The following EBF2 variants were observed in gnomAD, a reference collection of about 807,000 sequenced individuals.
EBF2 encodes transcription factor COE2.
EBF2 carries 21 observed loss-of-function variants against 72.8 expected under a neutral mutation model. The observed-to-expected ratio is 0.29, with a 90% CI of 0.20 to 0.42. The LOEUF is 0.42. Ranked by LOEUF, EBF2 falls within the 10% of genes least tolerant of loss-of-function variation. The pLI is 1.00. For missense variants in EBF2, 637 were observed against 731.2 expected (o/e 0.87, Z 1.49); for synonymous variants, 299 against 274.2 (o/e 1.09, Z -0.89).
intron 5 of EBF2, among the ~76,000 whole-genome samples, chr8:26,034,339 G>T (rs1805461100): frequency 6.6e-6 from 1 of 152,178 alleles, no homozygotes; most frequent in Non-Finnish European, 1.5e-5. Context: ...CTGTTTGTAA[G>T]TCCCAGCTCT....
chr8:25,899,399 C>T (rs1368882350), intron 7 of EBF2, among the ~76,000 whole-genome samples: 1 of 152,090 alleles, frequency 6.6e-6, no homozygotes, highest in East Asian at 1.9e-4. Flanking sequence ...CAGTAGCACT[C>T]CGGATTTCAA....
At chr8:26,014,098 AC>A (rs1444439576) in intron 6 of EBF2, among the ~76,000 whole-genome samples, 7 of 152,200 alleles carry the variant, frequency 4.6e-5, no homozygotes, top group Non-Finnish European at 8.8e-5. Context: ...AATAACCTAT[AC>A]CTACATGAGA....
intron 15 of EBF2, among the ~76,000 whole-genome samples, chr8:25,850,156 A>G (rs995093040): frequency 6.6e-6 from 1 of 152,202 alleles, no homozygotes; most frequent in Admixed American, 6.5e-5. Flanking sequence ...CTTGTTGCCC[A>G]GGCTGGAGTG....
chr8:25,964,337 T>C (rs1804081311), intron 6 of EBF2, among the ~76,000 whole-genome samples: 1 of 152,082 alleles, frequency 6.6e-6, no homozygotes, highest in Non-Finnish European at 1.5e-5. Flanking sequence ...AATCAATTAA[T>C]CCAAGTATAC....
At chr8:25,985,780 G>GC (rs1166990995) in intron 6 of EBF2, among the ~76,000 whole-genome samples, 9 of 151,880 alleles carry the variant, frequency 5.9e-5, no homozygotes, top group Admixed American at 2.0e-4. Flanking sequence ...CAGGCCGACC[G>GC]CTTGAGCCCA....
intron 10 of EBF2, among the ~76,000 whole-genome samples, chr8:25,878,044 A>G (rs1191332429): frequency 6.6e-6 from 1 of 152,184 alleles, no homozygotes; most frequent in Non-Finnish European, 1.5e-5. Flanking sequence ...GATGATGGAA[A>G]TGAGGCTCAG....
Position 25,844,599 on chromosome 8 carries a change from C to T in EBF2, c.*10G>A, listed in dbSNP as rs747971268. On this transcript the variant is annotated 3_prime_UTR_variant, in exon 16 of 16. Coordinates refer to ENST00000520164, the MANE Select transcript of EBF2 (RefSeq NM_022659.4). Reference sequence around the variant, plus strand: ...TAAGTAGTTTTGTGCTATAAGAAAGCAGTTCTTCTTTACATCGGGGGTACA... The same window carrying T: ...TAAGTAGTTTTGTGCTATAAGAAAGTAGTTCTTCTTTACATCGGGGGTACA... 4 of 1,613,806 alleles carry T rather than the reference C, an allele frequency of 2.5e-6. No homozygotes were observed. Among genetic ancestry groups the T allele is most frequent in the East Asian group, 4.5e-5 (2 of 44,888 alleles).
intron 7 of EBF2, among the ~76,000 whole-genome samples, chr8:25,903,260 C>T (rs1365090823): frequency 6.6e-6 from 1 of 150,648 alleles, no homozygotes; most frequent in African/African-American, 2.5e-5. Flanking sequence ...TCTCAAACTC[C>T]TGGGCTCAAG....
chr8:25,862,640 C>A (rs1021370298), intron 11 of EBF2, 69 bp downstream of exon 11: 46 of 1,309,724 alleles, frequency 3.5e-5, no homozygotes, highest in Middle Eastern at 1.9e-4. Context: ...ATGTAAATGC[C>A]TGCATTTGTC....
At chr8:25,993,153 G>A (rs139064419) in intron 6 of EBF2, among the ~76,000 whole-genome samples, 2 of 152,302 alleles carry the variant, frequency 1.3e-5, no homozygotes, top group African/African-American at 2.4e-5. Flanking sequence ...CTTCCACTAA[G>A]TGGTGGCCTC....
chr8:25,931,021 A>G lies in EBF2; in HGVS notation c.552-22466T>C, dbSNP rs553264495. ...GTTGAACAGAGTTGAAGCGAATGAA[A>G]CTTCAAACTAAATTTTTATTGAAAT... On this transcript the variant is annotated intron_variant, in intron 6 of 15. Transcript: ENST00000520164. Among the ~76,000 whole-genome samples, 8 of 152,260 alleles carry G rather than the reference A, an allele frequency of 5.3e-5. No individual in the cohort carries two copies. In the South Asian group the frequency reaches 6.2e-4, roughly 12 times the overall value.
intron 6 of EBF2, among the ~76,000 whole-genome samples, chr8:25,915,685 G>T (rs917501588): frequency 2.0e-5 from 3 of 151,918 alleles, no homozygotes; most frequent in Non-Finnish European, 2.9e-5. Context: ...CGATGGGAGG[G>T]AAAAAGCTGA....
At chr8:26,035,437 A>G (rs2117260359) in intron 5 of EBF2, among the ~76,000 whole-genome samples, 1 of 152,268 alleles carries the variant, frequency 6.6e-6, no homozygotes, top group South Asian at 2.1e-4. Flanking sequence ...GGTGTATGCC[A>G]CCATGCCAAG....
intron 6 of EBF2, among the ~76,000 whole-genome samples, chr8:25,979,753 C>T (rs993383785): frequency 3.3e-5 from 5 of 152,116 alleles, no homozygotes; most frequent in Non-Finnish European, 7.3e-5. Context: ...AATGGTTCGT[C>T]TCTTTTTATT....
chr8:25,989,615 C>T (rs758780037), intron 6 of EBF2, among the ~76,000 whole-genome samples: 3 of 152,192 alleles, frequency 2.0e-5, no homozygotes, highest in Non-Finnish European at 4.4e-5. Context: ...CATGACAACG[C>T]AAATGGCTTG....
chr8:26,018,297 T>G (rs1805146774), intron 6 of EBF2, among the ~76,000 whole-genome samples: 1 of 147,162 alleles, frequency 6.8e-6, no homozygotes, highest in Non-Finnish European at 1.5e-5. Flanking sequence ...AGACATAAAA[T>G]GAGAGGAAAG....
At chr8:25,908,384 A>T (rs919497244) in intron 7 of EBF2, 90 bp downstream of exon 7, 12 of 1,036,432 alleles carry the variant, frequency 1.2e-5, no homozygotes, top group African/African-American at 1.6e-5. Flanking sequence ...GTGAATAGTA[A>T]TTTTTAAAGA....
Position 25,993,814 on chromosome 8 carries a change from A to G in EBF2, c.551+39271T>C, listed in dbSNP as rs1053714378. Among the ~76,000 whole-genome samples the G allele has an allele frequency of 3.8e-4, 58 of 151,962 alleles. 1 individual carries two copies. The highest frequency in any genetic ancestry group is 4.6e-4 in the Admixed American group (7 of 15,244). ...ATTATGTCTTTTGGGGGGGTGGGGG[A>G]AGCTTATTATGTTCCAGGAATAATC... On this transcript the variant is annotated intron_variant, in intron 6 of 15. Transcript: ENST00000520164.
chr8:25,885,209 CT>C (rs35187702), intron 10 of EBF2, among the ~76,000 whole-genome samples: 17 of 149,154 alleles, frequency 1.1e-4, no homozygotes, highest in Admixed American at 3.3e-4. Flanking sequence ...TACCAGGCTC[CT>C]TTTTTTTTTA....
Sources: allele counts gnomAD v4.1 joint callset (sites outside exome capture counted in the v4.1 genomes callset), GRCh38; gene constraint gnomAD v4.1.1; transcripts MANE v1.5; gene names NCBI Gene and HGNC (gene_info 2026-07-23, HGNC 2026-07-21).